The following U2SURP variants were observed in gnomAD, a reference collection of about 807,000 sequenced individuals.
U2SURP encodes the protein U2 snRNP associated SURP domain containing.
U2SURP carries 9 observed loss-of-function variants against 144.9 expected under a neutral mutation model. That is an observed-to-expected ratio of 0.06 (90% confidence interval 0.04 to 0.11). U2SURP has a LOEUF of 0.11. Ranked by LOEUF, U2SURP falls within the 10% of genes least tolerant of loss-of-function variation. The pLI is 1.00. For synonymous variants in U2SURP, 408 were observed against 396.8 expected (o/e 1.03, Z -0.33); for missense variants, 724 against 1,226.7 (o/e 0.59, Z 6.12).
At chr3:143,024,082 A>G in intron 13 of U2SURP, 64 bp downstream of exon 13, 1 of 1,460,628 alleles carries the variant, frequency 6.8e-7, no homozygotes. Context: ...GAATTTAAAA[A>G]GAAATGGTGT....
At chr3:143,033,391 T>C (rs1334991785) in intron 18 of U2SURP, 41 bp downstream of exon 18, 2 of 1,107,268 alleles carry the variant, frequency 1.8e-6, no homozygotes, top group East Asian at 5.2e-5. Flanking sequence ...AAATAAAGTA[T>C]TTAAGGGTAA....
chr3:143,011,600 G>C (rs1308894765), intron 2 of U2SURP, among the ~76,000 whole-genome samples: 2 of 152,086 alleles, frequency 1.3e-5, no homozygotes, highest in African/African-American at 4.8e-5. Context: ...TGACACCAGA[G>C]TATACTTGTA....
intron 21 of U2SURP, among the ~76,000 whole-genome samples, chr3:143,037,846 A>G (rs1180817179): frequency 6.6e-6 from 1 of 152,118 alleles, no homozygotes; most frequent in Non-Finnish European, 1.5e-5. Context: ...AAGATATTAA[A>G]GATTTGTTTT....
chr3:143,034,857 T>C, intron 18 of U2SURP, 31 bp from the exon 19 acceptor site: 2 of 1,417,272 alleles, frequency 1.4e-6, no homozygotes, highest in African/African-American at 1.4e-5. Flanking sequence ...TTAAACATTT[T>C]ATTTTAAAGA....
intron 12 of U2SURP, 100 bp downstream of exon 12, chr3:143,023,164 T>C: frequency 9.1e-7 from 1 of 1,101,022 alleles, no homozygotes; most frequent in East Asian, 2.6e-5. Context: ...TGTGTGTAAT[T>C]CTGTTTGGCA....
intron 15 of U2SURP, 21 bp downstream of exon 15, chr3:143,028,427 T>A (rs745367681): frequency 6.2e-7 from 1 of 1,611,042 alleles, no homozygotes; most frequent in African/African-American, 1.3e-5. Flanking sequence ...TCAATTACTT[T>A]GTTAATTTTG....
At chr3:143,034,770 A>T in intron 18 of U2SURP, 118 bp from the exon 19 acceptor site, 1 of 643,896 alleles carries the variant, frequency 1.6e-6, no homozygotes, top group Non-Finnish European at 2.6e-6. Context: ...TTTGATTTTT[A>T]ATAATTTCTT....
intron 2 of U2SURP, 26 bp from the exon 3 acceptor site, chr3:143,012,196 T>C (rs1208587368): frequency 6.2e-7 from 1 of 1,603,348 alleles, no homozygotes; most frequent in Non-Finnish European, 8.5e-7. Flanking sequence ...GGTTTGTTTT[T>C]TTCTCTTGTT....
At chr3:143,042,581 G>A (rs1183624563) in intron 23 of U2SURP, among the ~76,000 whole-genome samples, 1 of 151,962 alleles carries the variant, frequency 6.6e-6, no homozygotes, top group Non-Finnish European at 1.5e-5. Flanking sequence ...CCAATATATA[G>A]TCTTTTATCC....
chr3:143,027,975 G>A (rs753784818), intron 14 of U2SURP, among the ~76,000 whole-genome samples: 6 of 152,202 alleles, frequency 3.9e-5, no homozygotes, highest in South Asian at 2.1e-4. Context: ...GAATTGTTAC[G>A]GTATTCTTAG....
At chr3:143,021,823 A>G (rs1258331393) in intron 10 of U2SURP, among the ~76,000 whole-genome samples, 4 of 152,136 alleles carry the variant, frequency 2.6e-5, no homozygotes, top group Non-Finnish European at 5.9e-5. Context: ...GAATAATATT[A>G]TTTTGAGACT....
rs1217251909 is a variant in U2SURP, at chr3:143,043,212, A to C, written c.2480A>C (p.Glu827Ala). 1 of 1,604,654 alleles carries C rather than the reference A, an allele frequency of 6.2e-7. No homozygotes were observed. The highest frequency in any genetic ancestry group is 2.2e-5 in the East Asian group (1 of 44,750). The change falls in exon 24 of 28, where the codon GAG (glutamate) becomes GCG (alanine). Residue 827 changes from glutamate (E) to alanine (A), a missense_variant. By Grantham distance (107) the Glu-to-Ala change is moderately radical (BLOSUM62 -1). This residue lies in a region of U2SURP where 18 missense variants were observed against 48.8 expected (regional missense o/e 0.37). Coordinates refer to ENST00000473835, the MANE Select transcript of U2SURP (RefSeq NM_001080415.2). ...AATCCAATCAAAGAAGAAATGACTGAGTCTAAGTTCTCTAAGTACTCTGAA... is the reference window on the plus strand; with the variant it reads ...AATCCAATCAAAGAAGAAATGACTGCGTCTAAGTTCTCTAAGTACTCTGAA... ...YSNPIKEEMTESKFSKYSEMS... is the reference protein window; with the variant it reads ...YSNPIKEEMTASKFSKYSEMS...
chr3:143,026,310 G>A (rs1560187702), intron 13 of U2SURP: 2 of 151,934 alleles, frequency 1.3e-5, no homozygotes, highest in Admixed American at 6.6e-5. Flanking sequence ...GTAAAATATT[G>A]GAAAATAATT....
intron 13 of U2SURP, chr3:143,024,543 A>G (rs1017991994): frequency 2.3e-6 from 1 of 434,756 alleles, no homozygotes; most frequent in African/African-American, 2.1e-5. Flanking sequence ...TTTCATGGTA[A>G]CAAAGGTATT....
rs1013563756 is a variant in U2SURP at position 143,036,066 on chromosome 3, T to C, written c.2026T>C (p.Leu676=). 4 of 1,610,768 alleles carry C rather than the reference T, an allele frequency of 2.5e-6. No individual in the cohort carries two copies. Among genetic ancestry groups the C allele is most frequent in the Non-Finnish European group, 2.5e-6 (3 of 1,178,792 alleles). The change falls in exon 20 of 28, where the codon TTA becomes CTA. Residue 676 remains leucine, a synonymous_variant. Coordinates refer to ENST00000473835, the MANE Select transcript of U2SURP (RefSeq NM_001080415.2). Reference sequence around the variant, plus strand: ...TTTGATCAAACTACAAAATATTTTCTTAGGACTTGTAAATATTATTGAAGA... The same window carrying C: ...TTTGATCAAACTACAAAATATTTTCCTAGGACTTGTAAATATTATTGAAGA... ...PFLIKLQNIF[L]GLVNIIEEKE...
At chr3:143,001,878 G>A (rs1284168285) in intron 1 of U2SURP, among the ~76,000 whole-genome samples, 1 of 152,216 alleles carries the variant, frequency 6.6e-6, no homozygotes, top group Non-Finnish European at 1.5e-5. Context: ...CTCGAGACTG[G>A]CGTGCCCAGT....
At position 143,057,151 on chromosome 3, in the gene U2SURP, A is replaced by G. The variant is rs1162388371; in HGVS notation, c.*701A>G. The G allele has an allele frequency of 6.6e-6, 1 of 152,472 alleles. No individual in the cohort carries two copies. Among genetic ancestry groups the G allele is most frequent in the African/African-American group, 2.4e-5 (1 of 41,434 alleles). 9.4% of individuals were successfully genotyped at this position (152,472 alleles called of 1,614,324 possible). A position where few individuals can be genotyped will look rare whatever the true frequency, so the allele number is the denominator to read the frequency against. ...CTGGCTAAAACATTTTTTTCACAGA[A>G]GCAATATGATTTCCATACATCCAAC... On this transcript the variant is annotated 3_prime_UTR_variant, in exon 28 of 28. Coordinates refer to ENST00000473835, the MANE Select transcript of U2SURP (RefSeq NM_001080415.2).
intron 22 of U2SURP, among the ~76,000 whole-genome samples, chr3:143,038,681 C>T (rs1216453519): frequency 1.3e-5 from 2 of 151,920 alleles, no homozygotes; most frequent in Non-Finnish European, 2.9e-5. Flanking sequence ...ATAAGGATGA[C>T]ATTATTCGTC....
intron 13 of U2SURP, among the ~76,000 whole-genome samples, chr3:143,025,452 G>A (rs1180839492): frequency 6.6e-6 from 1 of 152,074 alleles, no homozygotes; most frequent in African/African-American, 2.4e-5. Context: ...ATTCACACAA[G>A]TTTCTGGATG....
Sources: gnomAD v4.1 joint callset for allele counts (sites outside exome capture counted in the v4.1 genomes callset) on GRCh38, gnomAD v4.1.1 for gene constraint, gnomAD v4.1.1 regional missense constraint, MANE v1.5 for transcripts, NCBI Gene and HGNC (gene_info 2026-07-23, HGNC 2026-07-21) for gene names.